The following DSCAM variants were observed in gnomAD, a reference collection of about 807,000 sequenced individuals.
DSCAM encodes the protein DS cell adhesion molecule, also known as cell adhesion molecule DSCAM.
A neutral mutation model predicts 217.7 loss-of-function variants in DSCAM; 47 were observed. That is an observed-to-expected ratio of 0.22 (90% CI 0.17 to 0.28). DSCAM has a LOEUF of 0.28. DSCAM is among the 10% of genes least tolerant of loss of function. DSCAM has a pLI of 1.00. For missense variants in DSCAM, 2,080 were observed against 2,618.3 expected (o/e 0.79, Z 4.49); for synonymous variants, 1,056 against 1,015.3 (o/e 1.04, Z -0.76).
intron 4 of DSCAM, among the ~76,000 whole-genome samples, chr21:40,355,328 A>G (rs141834037): frequency 6.6e-6 from 1 of 152,334 alleles, no homozygotes; most frequent in African/African-American, 2.4e-5. Context: ...AATGGATTAA[A>G]AAGCAGCAGC....
At chr21:40,507,104 C>T (rs2076216144) in intron 3 of DSCAM, among the ~76,000 whole-genome samples, 2 of 151,966 alleles carry the variant, frequency 1.3e-5, no homozygotes, top group Admixed American at 6.6e-5. Flanking sequence ...TGGTGAAAAC[C>T]CATCTCTACT....
intron 3 of DSCAM, among the ~76,000 whole-genome samples, chr21:40,595,943 C>T (rs2077018353): frequency 6.6e-6 from 1 of 152,208 alleles, no homozygotes. Flanking sequence ...AGGCGGCAAA[C>T]TGTGGCCTCT....
intron 1 of DSCAM, among the ~76,000 whole-genome samples, chr21:40,814,539 T>C: frequency 6.6e-6 from 1 of 152,220 alleles, no homozygotes; most frequent in Admixed American, 6.5e-5. Flanking sequence ...CAAGGATTGA[T>C]GAGGAAGGGA....
chr21:40,251,078 G>A (rs1052313668), intron 11 of DSCAM, among the ~76,000 whole-genome samples: 5 of 152,188 alleles, frequency 3.3e-5, no homozygotes, highest in Non-Finnish European at 5.9e-5. Flanking sequence ...CTTCTCTTCT[G>A]TCATCAATGA....
At chr21:40,036,222 CAGGAGCTGGTTTTTTGAA>C (rs1774601591) in intron 32 of DSCAM, among the ~76,000 whole-genome samples, 1 of 147,986 alleles carries the variant, frequency 6.8e-6, no homozygotes, top group Non-Finnish European at 1.5e-5. Flanking sequence ...TTAATGAATC[CAGGAGCTGGTTTTTTGAA>C]AGGATCAACA....
intron 3 of DSCAM, among the ~76,000 whole-genome samples, chr21:40,607,770 C>G (rs1460894123): frequency 1.3e-5 from 2 of 152,158 alleles, no homozygotes; most frequent in Non-Finnish European, 2.9e-5. Context: ...GAGGCCTCCC[C>G]AGCCACGTGG....
At chr21:40,536,620 A>C (rs1450852991) in intron 3 of DSCAM, among the ~76,000 whole-genome samples, 1 of 151,948 alleles carries the variant, frequency 6.6e-6, no homozygotes, top group South Asian at 2.1e-4. Flanking sequence ...GTTAGCCAGG[A>C]TGGTCTCGAT....
intron 3 of DSCAM, among the ~76,000 whole-genome samples, chr21:40,688,702 C>T (rs2090509075): frequency 6.6e-6 from 1 of 152,176 alleles, no homozygotes; most frequent in African/African-American, 2.4e-5. Flanking sequence ...TTTACGACCC[C>T]ACCCCCATCC....
chr21:40,652,121 T>G (rs1601823311), intron 3 of DSCAM, among the ~76,000 whole-genome samples: 1 of 139,498 alleles, frequency 7.2e-6, no homozygotes, highest in Non-Finnish European at 1.5e-5. Context: ...CATGGACACA[T>G]GGAGGGGAAC....
chr21:40,306,799 A>T (rs1471463666), intron 9 of DSCAM, among the ~76,000 whole-genome samples: 1 of 151,290 alleles, frequency 6.6e-6, no homozygotes, highest in Non-Finnish European at 1.5e-5. Context: ...AGCCCACTTG[A>T]TCATGGTGGA....
chr21:40,559,856 G>A (rs1051243435), intron 3 of DSCAM, among the ~76,000 whole-genome samples: 8 of 142,322 alleles, frequency 5.6e-5, no homozygotes, highest in Non-Finnish European at 4.5e-5. Flanking sequence ...GCAGTGGCGC[G>A]ATCTCGGCTC....
At position 40,846,961 on chromosome 21, in the gene DSCAM, G is replaced by A. The variant is rs1266698633; in HGVS notation, c.-300C>T. On this transcript the variant is annotated 5_prime_UTR_variant, in exon 1 of 33. Coordinates refer to ENST00000400454, the MANE Select transcript of DSCAM (RefSeq NM_001389.5). Reference sequence around the variant, plus strand: ...GTGGGCCCCCGGCAGGTCGGCAGGTGGAGAGAGCCGCAGACGCGGGCGTGA... The same window carrying A: ...GTGGGCCCCCGGCAGGTCGGCAGGTAGAGAGAGCCGCAGACGCGGGCGTGA... The A allele has an allele frequency of 6.6e-6, 1 of 152,140 alleles. No individual in the cohort carries two copies. The highest frequency in any genetic ancestry group is 1.5e-5 in the Non-Finnish European group (1 of 68,006). The allele number at this position is 152,140 out of a possible 1,614,324, so 9.4% of individuals were successfully genotyped here. A position where few individuals can be genotyped will look rare whatever the true frequency, so the allele number is the denominator to read the frequency against.
chr21:40,764,826 C>T (rs768785162), intron 1 of DSCAM, among the ~76,000 whole-genome samples: 1 of 152,098 alleles, frequency 6.6e-6, no homozygotes, highest in South Asian at 2.1e-4. Context: ...TGGAAACCAT[C>T]ATCCTCAGCA....
chr21:40,615,023 G>A (rs1197567723), intron 3 of DSCAM, among the ~76,000 whole-genome samples: 1 of 151,478 alleles, frequency 6.6e-6, no homozygotes, highest in Admixed American at 6.6e-5. Context: ...GTAGATGGGG[G>A]CCAGGCGTAG....
intron 20 of DSCAM, among the ~76,000 whole-genome samples, chr21:40,095,742 G>A (rs1308607727): frequency 6.6e-6 from 1 of 152,058 alleles, no homozygotes; most frequent in African/African-American, 2.4e-5. Context: ...TTCATAAGAA[G>A]AAATCAATCA....
intron 3 of DSCAM, among the ~76,000 whole-genome samples, chr21:40,499,271 T>C (rs1317512081): frequency 6.6e-6 from 1 of 152,204 alleles, no homozygotes; most frequent in African/African-American, 2.4e-5. Flanking sequence ...TAGACAGCTA[T>C]TGAGGAATCT....
chr21:40,491,821 T>C (rs937065592), intron 3 of DSCAM, among the ~76,000 whole-genome samples: 1 of 152,210 alleles, frequency 6.6e-6, no homozygotes, highest in African/African-American at 2.4e-5. Context: ...CGGATGCCAC[T>C]TTCTCAGCAA....
At chr21:40,178,044 T>C (rs1482224675) in intron 15 of DSCAM, among the ~76,000 whole-genome samples, 1 of 152,172 alleles carries the variant, frequency 6.6e-6, no homozygotes, top group African/African-American at 2.4e-5. Flanking sequence ...TGGACACCCT[T>C]TCCCTACAAT....
chr21:40,650,818 G>A lies in DSCAM; in HGVS notation c.508+41992C>T, dbSNP rs149690815. Reference sequence around the variant, plus strand: ...AGTCCCAGCTACTCAGGAGGCTGAGGCAGAAGAATTGGTTGAACCTGGGAG... The same window carrying A: ...AGTCCCAGCTACTCAGGAGGCTGAGACAGAAGAATTGGTTGAACCTGGGAG... On this transcript the variant is annotated intron_variant, in intron 3 of 32. Transcript: ENST00000400454. Among the ~76,000 whole-genome samples the A allele has an allele frequency of 2.2e-3, 335 of 152,328 alleles. 1 individual carries two copies. Among genetic ancestry groups the A allele is most frequent in the African/African-American group, 7.5e-3 (311 of 41,570 alleles).
Sources: gnomAD v4.1 joint callset for allele counts (sites outside exome capture counted in the v4.1 genomes callset) on GRCh38, gnomAD v4.1.1 for gene constraint, MANE v1.5 for transcripts, NCBI Gene and HGNC (gene_info 2026-07-23, HGNC 2026-07-21) for gene names.